Variants in PIEZO1 observed in about 807,000 individuals in gnomAD.
PIEZO1 encodes the protein piezo type mechanosensitive ion channel component 1 (Er blood group).
A neutral mutation model predicts 297.2 loss-of-function variants in PIEZO1; 296 were observed. The ratio of observed to expected loss-of-function variants is 1.00; its 90% CI spans 0.91 to 1.10. PIEZO1 has a LOEUF of 1.10. Among genes scored for constraint, PIEZO1 ranks in the 50% least tolerant of loss-of-function variants. The probability of loss-of-function intolerance (pLI) is 0.00; values close to 1 mark genes in which losing one functional copy is unlikely to be tolerated. For synonymous variants in PIEZO1, 2,427 were observed against 1,507.5 expected, an observed-to-expected ratio of 1.61 and a Z score of -14.13; for missense variants, 5,018 against 3,455.5, an observed-to-expected ratio of 1.45 and a Z score of -11.34.
In PIEZO1 at chr16:88,722,523, G is replaced by A. The variant is rs1904287329; in HGVS notation, c.4775+60C>T. The stretch of plus-strand genomic sequence containing the variant: ...AAGGGAATGGCGAGGGTCGGGGATG[G>A]CTAGGCGATGCCCACACACCAGGGG... On this transcript the variant is annotated intron_variant, in intron 35 of 50. Coordinates refer to ENST00000301015, the MANE Select transcript of PIEZO1 (RefSeq NM_001142864.4). The A allele has an allele frequency of 1.3e-5, 19 of 1,435,164 alleles. 1 individual carries two copies. The South Asian group carries it at 2.4e-4, about 18-fold the overall frequency. 88.9% of individuals were successfully genotyped at this position (1,435,164 alleles called of 1,614,324 possible).
intron 1 of PIEZO1, among the ~76,000 whole-genome samples, chr16:88,774,146 C>T (rs9923988): frequency 6.6e-6 from 1 of 152,074 alleles, no homozygotes; most frequent in African/African-American, 2.4e-5. Context: ...AAGCGCATGA[C>T]TGTCACCTCC....
Position 88,735,051 on chromosome 16 carries a change from G to C in PIEZO1, c.1672C>G (p.Pro558Ala). The C allele has an allele frequency of 6.5e-7, 1 of 1,550,330 alleles. No homozygotes were observed. Among genetic ancestry groups the C allele is most frequent in the Non-Finnish European group, 8.7e-7 (1 of 1,146,904 alleles). ...LTEVTVADTEPTRTQTLLQSL... is the reference protein window; with the variant it reads ...LTEVTVADTEATRTQTLLQSL... Reference sequence around the variant, plus strand: ...TGCAACAGCGTCTGCGTCCGCGTGGGCTCTGTGGGCCAAGCCAGGGGCAGG... The same window carrying C: ...TGCAACAGCGTCTGCGTCCGCGTGGCCTCTGTGGGCCAAGCCAGGGGCAGG... Residue 558 changes from proline (P) to alanine (A), a missense_variant and splice_region_variant, in exon 14 of 51, where the codon CCC becomes GCC. Pro to Ala is a conservative substitution (Grantham distance 27). Transcript: ENST00000301015.
chr16:88,766,346 G>A (rs762608587), intron 1 of PIEZO1, among the ~76,000 whole-genome samples: 26 of 152,288 alleles, frequency 1.7e-4, no homozygotes, highest in Non-Finnish European at 3.1e-4. Context: ...CTGCAACAGC[G>A]GCTCTTGACA....
intron 1 of PIEZO1, among the ~76,000 whole-genome samples, chr16:88,766,316 C>G (rs907299974): frequency 6.6e-6 from 1 of 152,198 alleles, no homozygotes; most frequent in Admixed American, 6.5e-5. Context: ...CCGGCCTGAG[C>G]GCACAGCCTG....
chr16:88,784,850 G>T, intron 1 of PIEZO1, 51 bp downstream of exon 1: 3 of 1,297,798 alleles, frequency 2.3e-6, no homozygotes, highest in Non-Finnish European at 3.1e-6. Flanking sequence ...GCCGTGGGGA[G>T]CCGAGACGCA....
intron 22 of PIEZO1, among the ~76,000 whole-genome samples, chr16:88,729,881 G>GC (rs561874182): frequency 6.7e-6 from 1 of 148,964 alleles, no homozygotes; most frequent in African/African-American, 2.6e-5. Context: ...TGAACCCACA[G>GC]CCCCATCTGC....
intron 1 of PIEZO1, among the ~76,000 whole-genome samples, chr16:88,754,946 G>T (rs999530258): frequency 6.6e-6 from 1 of 152,254 alleles, no homozygotes; most frequent in Non-Finnish European, 1.5e-5. Context: ...TGAAAGCTGG[G>T]GCCCCAGGCC....
At position 88,723,036 on chromosome 16, in the gene PIEZO1, G is replaced by C. The variant is rs1473148680; in HGVS notation, c.4496-27C>G. On this transcript the variant is annotated intron_variant, in intron 33 of 50. Transcript: ENST00000301015. ...TGCGGGAGGGCGGGAGGGGGCGCTG[G>C]AGGGGCAGCCTGTGGGGCCAAGAGA... 3 of 1,543,542 alleles carry C rather than the reference G, an allele frequency of 1.9e-6. No individual in the cohort carries two copies. In the Admixed American group the frequency reaches 5.9e-5, roughly 30 times the overall value.
In PIEZO1 at chr16:88,733,314, A is replaced by G. The variant is rs573306497; in HGVS notation, c.2628T>C (p.Val876=). The change falls in exon 19 of 51, where the codon GTT becomes GTC. Residue 876 remains valine, a synonymous_variant. Coordinates refer to ENST00000301015, the MANE Select transcript of PIEZO1 (RefSeq NM_001142864.4). The part of the protein sequence containing the change: ...IVCKMLYQLK[V]VNPQEYSSNC... ...TGCTGGAATACTCCTGGGGGTTGACAACCTTGAGCTGGTACAGCATCTTAC... is the reference window on the plus strand; with the variant it reads ...TGCTGGAATACTCCTGGGGGTTGACGACCTTGAGCTGGTACAGCATCTTAC... The G allele has an allele frequency of 6.5e-7, 1 of 1,548,802 alleles. No individual in the cohort carries two copies. The highest frequency in any genetic ancestry group is 8.7e-7 in the Non-Finnish European group (1 of 1,145,632).
chr16:88,723,188 G>A (rs779064128), intron 32 of PIEZO1, 37 bp from the exon 33 acceptor site: 18 of 1,549,214 alleles, frequency 1.2e-5, no homozygotes, highest in Middle Eastern at 3.3e-4. Flanking sequence ...TGGCAGTCCC[G>A]CGGCTTCCCC....
In PIEZO1 at chr16:88,726,784, G is replaced by C. The variant is rs899606144; in HGVS notation, c.3630C>G (p.Ala1210=). 1.9e-6 allele frequency: 3 copies of C among 1,550,256 alleles called. No homozygotes were observed. In the African/African-American group the frequency reaches 4.1e-5, roughly 21 times the overall value. Residue 1210 remains alanine, a synonymous_variant, in exon 25 of 51, where the codon GCC becomes GCG. Coordinates refer to ENST00000301015, the MANE Select transcript of PIEZO1 (RefSeq NM_001142864.4). ...GTALLQRDTR[A]RLVLWDCLIL... ...TGAGGCAGTCCCACAGCACGAGGCG[G>C]GCCCGTGTGTCCCTCTGCAGCAGGG...
chr16:88,772,185 T>C (rs567559180), intron 1 of PIEZO1, among the ~76,000 whole-genome samples: 47 of 152,332 alleles, frequency 3.1e-4, no homozygotes, highest in African/African-American at 9.9e-4. Context: ...AGAATGACCA[T>C]CCCTGGTGCC....
chr16:88,733,728 G>T lies in PIEZO1; in HGVS notation c.2347C>A (p.Leu783Met), dbSNP rs759116313. ...AGCTCCAGCAGCCGCTCAGCCACCA[G>T]GCCCCACTTGGCTGCCCCTGTGATG... ...QVPEGAAKWG[L>M]VAERLLELAA... The change falls in exon 18 of 51, where the codon CTG becomes ATG. Residue 783 changes from leucine to methionine, a missense_variant. Physicochemically the swap from Leu to Met is conservative, Grantham distance 15. Coordinates refer to ENST00000301015, the MANE Select transcript of PIEZO1 (RefSeq NM_001142864.4). The T allele has an allele frequency of 5.8e-6, 9 of 1,545,696 alleles. No homozygotes were observed. The South Asian group carries it at 9.6e-5, about 16-fold the overall frequency.
At chr16:88,763,907 T>C (rs1907040565) in intron 1 of PIEZO1, among the ~76,000 whole-genome samples, 1 of 152,212 alleles carries the variant, frequency 6.6e-6, no homozygotes, top group African/African-American at 2.4e-5. Flanking sequence ...ACAGCCATCC[T>C]GCCCCAGGCA....
intron 5 of PIEZO1, chr16:88,739,258 G>C (rs1403629287): frequency 6.5e-6 from 1 of 153,176 alleles, no homozygotes; most frequent in Non-Finnish European, 1.4e-5. Context: ...TGGGGGGACA[G>C]AGGTGGCCAG....
Position 88,743,529 on chromosome 16 carries a change from C to T in PIEZO1, c.161-1107G>A, listed in dbSNP as rs565392315. The T allele has an allele frequency of 4.6e-5, 21 of 456,474 alleles. No homozygotes were observed. In the East Asian group the frequency reaches 1.5e-3, roughly 32 times the overall value. The allele number at this position is 456,474 out of a possible 1,614,324, so 28.3% of individuals were successfully genotyped here. On this transcript the variant is annotated intron_variant, in intron 2 of 50. Coordinates refer to ENST00000301015, the MANE Select transcript of PIEZO1 (RefSeq NM_001142864.4). ...CTGGGTCCAAGGTGGTGAATGTCACCACCACATCTGCCCTCTCTCGGCCTC... is the reference window on the plus strand; with the variant it reads ...CTGGGTCCAAGGTGGTGAATGTCACTACCACATCTGCCCTCTCTCGGCCTC...
chr16:88,716,572 A>C lies in PIEZO1; in HGVS notation c.6913T>G (p.Trp2305Gly). 1 of 1,543,792 alleles carries C rather than the reference A, an allele frequency of 6.5e-7. No homozygotes were observed. Among genetic ancestry groups the C allele is most frequent in the Non-Finnish European group, 8.8e-7 (1 of 1,142,564 alleles). ...TCCAGGACGAACCTCTGGAAGTTCCAGGTGAAGCGCAGGGTGATGTCGGCC... is the reference window on the plus strand; with the variant it reads ...TCCAGGACGAACCTCTGGAAGTTCCCGGTGAAGCGCAGGGTGATGTCGGCC... ...GTADITLRFT[W>G]NFQRDLAKGG... Residue 2305 changes from tryptophan to glycine, a missense_variant, in exon 47 of 51, where the codon TGG becomes GGG. Trp to Gly is a radical substitution (Grantham distance 184). Coordinates refer to ENST00000301015, the MANE Select transcript of PIEZO1 (RefSeq NM_001142864.4).
intron 1 of PIEZO1, among the ~76,000 whole-genome samples, chr16:88,782,183 C>T (rs1907966809): frequency 6.6e-6 from 1 of 152,196 alleles, no homozygotes; most frequent in Non-Finnish European, 1.5e-5. Flanking sequence ...AATCATGGCT[C>T]ACTGTAGCCT....
chr16:88,749,043 C>A (rs939185102), intron 2 of PIEZO1, among the ~76,000 whole-genome samples: 2 of 151,276 alleles, frequency 1.3e-5, no homozygotes, highest in East Asian at 1.9e-4. Context: ...CGAGACCATC[C>A]TGGCTATCAC....
Sources: allele counts gnomAD v4.1 joint callset (sites outside exome capture counted in the v4.1 genomes callset), GRCh38; gene constraint gnomAD v4.1.1; transcripts MANE v1.5; gene names NCBI Gene and HGNC (gene_info 2026-07-23, HGNC 2026-07-21).